Variants in RASA1 observed in about 807,000 individuals in gnomAD.
The protein encoded by RASA1 is ras GTPase-activating protein 1.
Under a neutral mutation model 132.2 loss-of-function variants are expected in RASA1, and 25 were observed. The observed-to-expected ratio is 0.19, with a 90% CI of 0.14 to 0.26. The LOEUF (loss-of-function observed/expected upper bound fraction) is 0.26. Among genes scored for constraint, RASA1 ranks in the 10% least tolerant of loss-of-function variants. RASA1 has a pLI of 1.00. For synonymous variants in RASA1, 477 were observed against 449.9 expected (o/e 1.06, Z -0.76); for missense variants, 964 against 1,299.2 (o/e 0.74, Z 3.97).
intron 1 of RASA1, among the ~76,000 whole-genome samples, chr5:87,270,426 C>A (rs1753775166): frequency 6.7e-6 from 1 of 149,380 alleles, no homozygotes; most frequent in African/African-American, 2.4e-5. Flanking sequence ...CGGCTCACTG[C>A]AACCTCCGCC....
chr5:87,296,403 C>T lies in RASA1; in HGVS notation c.539+27413C>T, dbSNP rs530120615. 2.6e-5 allele frequency among the ~76,000 whole-genome samples: 4 copies of T among 152,064 alleles called. No homozygotes were observed. The South Asian group carries it at 6.2e-4, about 24-fold the overall frequency. ...AGAAAAATAAAAGTTTTTATTTTGC[C>T]TTCACTTGTTCTCTCATGTTCTTCC... is the stretch of plus-strand genomic sequence containing the variant. On this transcript the variant is annotated intron_variant, in intron 1 of 24. Coordinates refer to ENST00000274376, the MANE Select transcript of RASA1 (RefSeq NM_002890.3).
intron 1 of RASA1, chr5:87,269,261 A>G: frequency 6.5e-7 from 1 of 1,538,720 alleles, no homozygotes; most frequent in Non-Finnish European, 8.7e-7. Flanking sequence ...TGAGAACCGG[A>G]TATAGTTCTG....
intron 4 of RASA1, among the ~76,000 whole-genome samples, chr5:87,335,027 C>T (rs568067294): frequency 3.7e-4 from 56 of 152,162 alleles, no homozygotes; most frequent in African/African-American, 1.2e-3. Flanking sequence ...GAATTACAGG[C>T]GTGTGTCACC....
intron 1 of RASA1, among the ~76,000 whole-genome samples, chr5:87,300,721 C>T (rs1380892204): frequency 1.3e-5 from 2 of 151,802 alleles, no homozygotes; most frequent in African/African-American, 2.4e-5. Flanking sequence ...ATTAGAAGAG[C>T]TTTTTATATG....
chr5:87,286,350 AC>A (rs1379660741), intron 1 of RASA1, among the ~76,000 whole-genome samples: 42 of 152,118 alleles, frequency 2.8e-4, no homozygotes, highest in Middle Eastern at 3.4e-3. Flanking sequence ...GTGGTCTGTT[AC>A]TTTTTTCCCT....
chr5:87,275,258 G>T (rs746079785), intron 1 of RASA1, among the ~76,000 whole-genome samples: 2 of 152,028 alleles, frequency 1.3e-5, no homozygotes, highest in Admixed American at 6.6e-5. Flanking sequence ...GACATTTTTT[G>T]TTGTTGTTGC....
intron 9 of RASA1, among the ~76,000 whole-genome samples, chr5:87,354,942 C>G (rs1759540899): frequency 6.6e-6 from 1 of 152,098 alleles, no homozygotes; most frequent in African/African-American, 2.4e-5. Context: ...CAAAGCAAGG[C>G]CCTAACTCTC....
chr5:87,372,007 G>T, intron 12 of RASA1, 111 bp from the exon 13 acceptor site: 2 of 744,578 alleles, frequency 2.7e-6, no homozygotes, highest in Non-Finnish European at 4.5e-6. Context: ...AATAGAAATG[G>T]CAGTCTAGAG....
chr5:87,273,194 G>C (rs1270883420), intron 1 of RASA1, among the ~76,000 whole-genome samples: 1 of 152,130 alleles, frequency 6.6e-6, no homozygotes, highest in Non-Finnish European at 1.5e-5. Flanking sequence ...TTGTTTTTCT[G>C]TGTACGTGGT....
intron 1 of RASA1, among the ~76,000 whole-genome samples, chr5:87,310,788 A>C (rs548637772): frequency 1.2e-4 from 19 of 152,260 alleles, no homozygotes; most frequent in Non-Finnish European, 2.5e-4. Flanking sequence ...TGACATTTGC[A>C]CTATGGTACA....
intron 1 of RASA1, among the ~76,000 whole-genome samples, chr5:87,322,064 G>T (rs1377358929): frequency 6.6e-6 from 1 of 152,132 alleles, no homozygotes; most frequent in East Asian, 1.9e-4. Context: ...TTGGAAGTGG[G>T]GTCTGGTGGG....
rs144215136 is a variant in RASA1, at chr5:87,313,453, A to G, written c.540-17895A>G. Reference sequence around the variant, plus strand: ...GTGAAAGTCATTCTCCAGTTTGGCTAGATACGTGGATTTCAGTAAGCGATT... The same window carrying G: ...GTGAAAGTCATTCTCCAGTTTGGCTGGATACGTGGATTTCAGTAAGCGATT... On this transcript the variant is annotated intron_variant, in intron 1 of 24. Transcript: ENST00000274376. Among the ~76,000 whole-genome samples the G allele has an allele frequency of 2.6e-4, 39 of 152,316 alleles. No individual in the cohort carries two copies. In the South Asian group the frequency reaches 6.2e-3, roughly 24 times the overall value.
chr5:87,334,847 C>T (rs547798413), intron 4 of RASA1, among the ~76,000 whole-genome samples: 12 of 151,598 alleles, frequency 7.9e-5, no homozygotes, highest in African/African-American at 2.9e-4. Context: ...GGATCAGTGT[C>T]ATGAGGAAAA....
At chr5:87,371,953 T>C (rs2112479547) in intron 12 of RASA1, among the ~76,000 whole-genome samples, 165 bp from the exon 13 acceptor site, 1 of 151,870 alleles carries the variant, frequency 6.6e-6, no homozygotes, top group South Asian at 2.1e-4. Context: ...ATGTTATTGT[T>C]ATTTTATTAT....
At chr5:87,333,010 A>G (rs959195259) in intron 3 of RASA1, among the ~76,000 whole-genome samples, 1 of 152,140 alleles carries the variant, frequency 6.6e-6, no homozygotes, top group South Asian at 2.1e-4. Flanking sequence ...TTCATGTAGT[A>G]TATTTAAAAT....
intron 9 of RASA1, among the ~76,000 whole-genome samples, chr5:87,353,969 G>A (rs1365711088): frequency 2.0e-5 from 3 of 152,284 alleles, no homozygotes; most frequent in African/African-American, 4.8e-5. Flanking sequence ...ATTTTCCTAA[G>A]TGGAAAATGG....
chr5:87,382,321 C>T (rs1761776256), intron 20 of RASA1, among the ~76,000 whole-genome samples: 1 of 152,142 alleles, frequency 6.6e-6, no homozygotes, highest in South Asian at 2.1e-4. Context: ...CAAAAATTAG[C>T]AAACAGGTAC....
chr5:87,296,239 T>C (rs760000415), intron 1 of RASA1, among the ~76,000 whole-genome samples: 9 of 152,186 alleles, frequency 5.9e-5, no homozygotes, highest in Non-Finnish European at 1.2e-4. Flanking sequence ...GTAAGTACTT[T>C]ATAATAACAA....
intron 1 of RASA1, chr5:87,299,901 G>A (rs956555199): frequency 1.3e-5 from 2 of 152,168 alleles, no homozygotes; most frequent in Admixed American, 6.5e-5. Flanking sequence ...CTATATAGAT[G>A]TTGAAAGAAT....
Sources: gnomAD v4.1 joint callset for allele counts (sites outside exome capture counted in the v4.1 genomes callset) on GRCh38, gnomAD v4.1.1 for gene constraint, MANE v1.5 for transcripts, NCBI Gene and HGNC (gene_info 2026-07-23, HGNC 2026-07-21) for gene names.